TMEM233: variants seen among roughly 807,000 people sequenced by gnomAD.
The protein encoded by TMEM233 is dispanin subfamily B member 2.
Under a neutral mutation model 11.2 loss-of-function variants are expected in TMEM233, and 6 were observed. The ratio of observed to expected loss-of-function variants is 0.54; its 90% confidence interval spans 0.29 to 1.06. TMEM233 has a LOEUF of 1.06. Among genes scored for constraint, TMEM233 ranks in the 50% least tolerant of loss-of-function variants. The pLI, the probability that TMEM233 is intolerant of heterozygous loss-of-function variation, is 0.08. For missense variants in TMEM233, 127 were observed against 144.7 expected, an observed-to-expected ratio of 0.88 and a Z score of 0.63; for synonymous variants, 59 against 55.8, an observed-to-expected ratio of 1.06 and a Z score of -0.26.
rs750511494 is a variant in TMEM233 at position 119,626,472 on chromosome 12, G to GAA, written c.187-3251_187-3250dup. On this transcript the variant is annotated intron_variant, in intron 1 of 2. Transcript: ENST00000426426. ...GAAACAAAGCAAGACTCCGTCTCCG[G>GAA]AAAAAAAAAAAAAAGAAGAAAAAGG... Among the ~76,000 whole-genome samples the GAA allele has an allele frequency of 6.2e-3, 150 of 24,138 alleles. 9 individuals carry two copies. Among genetic ancestry groups the GAA allele is most frequent in the African/African-American group, 0.017 (144 of 8,712 alleles). 15.8% of individuals were successfully genotyped at this position (24,138 alleles called of 152,430 possible).
chr12:119,612,235 C>T (rs1954414128), intron 1 of TMEM233, among the ~76,000 whole-genome samples: 1 of 152,018 alleles, frequency 6.6e-6, no homozygotes, highest in Non-Finnish European at 1.5e-5. Flanking sequence ...CCCTGTGATT[C>T]CCCCACCTCG....
Position 119,595,192 on chromosome 12 carries a change from G to A in TMEM233, c.186+1158G>A, listed in dbSNP as rs561777613. Among the ~76,000 whole-genome samples the A allele has an allele frequency of 1.3e-5, 2 of 152,246 alleles. No individual in the cohort carries two copies. Among genetic ancestry groups the A allele is most frequent in the East Asian group, 3.9e-4 (2 of 5,190 alleles). On this transcript the variant is annotated intron_variant, in intron 1 of 2. Coordinates refer to ENST00000426426, the MANE Select transcript of TMEM233 (RefSeq NM_001136534.3). The surrounding 1 kb of genome is among the most constrained non-coding windows in gnomAD (Gnocchi z 4.3). ...ATTGACTGCAGCAGCTGGCCCGGGG[G>A]TGGCGGCGGGGTGAGGTTCGTACCG...
At chr12:119,610,991 T>C (rs1355006946) in intron 1 of TMEM233, among the ~76,000 whole-genome samples, 1 of 152,228 alleles carries the variant, frequency 6.6e-6, no homozygotes, top group Non-Finnish European at 1.5e-5. Flanking sequence ...TTCATCCATG[T>C]TGTAGCATTA....
chr12:119,632,782 T>C (rs939654600), intron 2 of TMEM233, among the ~76,000 whole-genome samples: 8 of 152,190 alleles, frequency 5.3e-5, no homozygotes, highest in African/African-American at 1.9e-4. Flanking sequence ...GACAACCAAT[T>C]CACATTACTA....
At chr12:119,614,870 A>G (rs1954488844) in intron 1 of TMEM233, among the ~76,000 whole-genome samples, 1 of 152,100 alleles carries the variant, frequency 6.6e-6, no homozygotes. Context: ...AATAAATATT[A>G]ACTATAATTT....
intron 1 of TMEM233, among the ~76,000 whole-genome samples, chr12:119,618,319 G>A (rs1041116661): frequency 4.6e-5 from 7 of 152,222 alleles, no homozygotes; most frequent in African/African-American, 1.7e-4. Context: ...GGGAAGTATG[G>A]AAGGGAAATA....
chr12:119,596,629 A>G (rs941299550), intron 1 of TMEM233, among the ~76,000 whole-genome samples: 1 of 150,898 alleles, frequency 6.6e-6, no homozygotes, highest in South Asian at 2.1e-4. Flanking sequence ...ACCAGCTGGG[A>G]CTACAGACGC....
At chr12:119,629,225 T>C (rs1410715531) in intron 1 of TMEM233, among the ~76,000 whole-genome samples, 1 of 151,950 alleles carries the variant, frequency 6.6e-6, no homozygotes, top group African/African-American at 2.4e-5. Context: ...GCCTGGCCAA[T>C]GTGGTAAAAC....
At chr12:119,649,257 C>T in the TMEM233 span, among the ~76,000 whole-genome samples, 1 of 151,998 alleles carries the variant, frequency 6.6e-6, no homozygotes, top group Admixed American at 6.5e-5. Flanking sequence ...GAGATTGTGC[C>T]ACTGCACTCC....
chr12:119,622,726 T>C (rs752010896), intron 1 of TMEM233, among the ~76,000 whole-genome samples: 14 of 152,146 alleles, frequency 9.2e-5, no homozygotes, highest in Admixed American at 2.0e-4. Context: ...AATCTCTCAC[T>C]CTCGTCCCTC....
intron 1 of TMEM233, among the ~76,000 whole-genome samples, chr12:119,600,382 T>A (rs1235820793): frequency 5.7e-5 from 4 of 70,236 alleles, no homozygotes; most frequent in African/African-American, 1.4e-4. Flanking sequence ...AATATGTGGG[T>A]AGATTAAAAA....
At chr12:119,608,924 G>A (rs1271647277) in intron 1 of TMEM233, among the ~76,000 whole-genome samples, 1 of 152,128 alleles carries the variant, frequency 6.6e-6, no homozygotes, top group African/African-American at 2.4e-5. Flanking sequence ...ATAGCAGCAT[G>A]AGAATGAATT....
chr12:119,636,278 G>A (rs1954967910), intron 2 of TMEM233, among the ~76,000 whole-genome samples: 1 of 152,084 alleles, frequency 6.6e-6, no homozygotes, highest in East Asian at 1.9e-4. Context: ...TGGAGTCAAA[G>A]ACAAAACATC....
intron 2 of TMEM233, among the ~76,000 whole-genome samples, chr12:119,637,081 TC>T (rs1205212460): frequency 6.6e-6 from 1 of 152,198 alleles, no homozygotes; most frequent in Admixed American, 6.6e-5. Context: ...GACATCCCCA[TC>T]CGTGCTCATG....
chr12:119,606,907 G>A (rs1325009269), intron 1 of TMEM233, among the ~76,000 whole-genome samples: 4 of 152,206 alleles, frequency 2.6e-5, no homozygotes, highest in African/African-American at 9.7e-5. Context: ...ATAACATAGA[G>A]TGTTACAGCA....
intron 1 of TMEM233, among the ~76,000 whole-genome samples, chr12:119,601,539 TC>T (rs1034089020): frequency 5.9e-5 from 9 of 151,720 alleles, no homozygotes; most frequent in African/African-American, 2.2e-4. Flanking sequence ...GCGCCTGTAG[TC>T]CCAGCTACTC....
chr12:119,622,247 A>C (rs958412900), intron 1 of TMEM233, among the ~76,000 whole-genome samples: 3 of 152,208 alleles, frequency 2.0e-5, no homozygotes, highest in Non-Finnish European at 2.9e-5. Context: ...AAAATCTAGA[A>C]TCAGATGCAC....
At chr12:119,616,797 T>C (rs1212060536) in intron 1 of TMEM233, among the ~76,000 whole-genome samples, 1 of 152,200 alleles carries the variant, frequency 6.6e-6, no homozygotes, top group African/African-American at 2.4e-5. Flanking sequence ...GCTGTTCTTG[T>C]GATAGTGGGT....
intron 1 of TMEM233, among the ~76,000 whole-genome samples, chr12:119,627,842 A>G (rs1954795159): frequency 6.6e-6 from 1 of 152,234 alleles, no homozygotes; most frequent in African/African-American, 2.4e-5. Flanking sequence ...CACCAGTGCC[A>G]TGACAGTTTA....
Sources: gnomAD v4.1 joint callset for allele counts (sites outside exome capture counted in the v4.1 genomes callset) on GRCh38, gnomAD v4.1.1 for gene constraint, Gnocchi (gnomAD v3.1) non-coding constraint, MANE v1.5 for transcripts, NCBI Gene and HGNC (gene_info 2026-07-23, HGNC 2026-07-21) for gene names.